Variants in SP140L observed in about 807,000 individuals in gnomAD.
The protein encoded by SP140L is SP140 like nuclear body protein, also known as nuclear body protein SP140-like protein.
SP140L carries 64 observed loss-of-function variants against 84.3 expected under a neutral mutation model. The ratio of observed to expected loss-of-function variants is 0.76; its 90% CI spans 0.62 to 0.94. The LOEUF is 0.94. Ranked by LOEUF, SP140L falls within the 40% of genes least tolerant of loss-of-function variation. The pLI, the probability that SP140L is intolerant of heterozygous loss-of-function variation, is 0.00. For missense variants in SP140L, 628 were observed against 692.5 expected, an observed-to-expected ratio of 0.91 and a Z score of 1.05; for synonymous variants, 242 against 236.9, an observed-to-expected ratio of 1.02 and a Z score of -0.20.
intron 14 of SP140L, among the ~76,000 whole-genome samples, 171 bp downstream of exon 14, chr2:230,396,969 A>G (rs2062079168): frequency 6.6e-6 from 1 of 152,130 alleles, no homozygotes; most frequent in African/African-American, 2.4e-5. Flanking sequence ...TGGGCCTTGG[A>G]TGTCTTGCAG....
intron 14 of SP140L, among the ~76,000 whole-genome samples, chr2:230,397,439 G>T (rs185516059): frequency 6.6e-6 from 1 of 152,230 alleles, no homozygotes; most frequent in East Asian, 1.9e-4. Flanking sequence ...AAATCCTGAG[G>T]CATTTTAACT....
rs1227394569 is a variant in SP140L at position 230,361,612 on chromosome 2, A to G, written c.440-2A>G. The G allele has an allele frequency of 1.9e-6, 3 of 1,556,646 alleles. No individual in the cohort carries two copies. In the South Asian group the frequency reaches 3.6e-5, roughly 18 times the overall value. On this transcript the variant is annotated splice_acceptor_variant, in intron 4 of 18. Transcript: ENST00000415673. LOFTEE classifies it high-confidence loss of function. ...TGCTTTCTTCTCTCTCCCACTCTTC[A>G]GCAATCCAAGACAAATTGTCTTTCC...
At chr2:230,379,216 T>G (rs2061334663) in intron 7 of SP140L, among the ~76,000 whole-genome samples, 1 of 152,194 alleles carries the variant, frequency 6.6e-6, no homozygotes, top group Non-Finnish European at 1.5e-5. Context: ...TGTTTTCATT[T>G]ATTATGATTC....
intron 2 of SP140L, among the ~76,000 whole-genome samples, chr2:230,347,865 G>A (rs768660338): frequency 5.3e-5 from 8 of 152,252 alleles, no homozygotes; most frequent in Non-Finnish European, 8.8e-5. Context: ...GTTGGGCAGA[G>A]CTGCTGGCTG....
At chr2:230,371,781 C>A in intron 7 of SP140L, 130 bp downstream of exon 7, 1 of 849,390 alleles carries the variant, frequency 1.2e-6, no homozygotes, top group South Asian at 1.5e-5. Context: ...TGATGGCCAC[C>A]CCAAAAAACG....
At chr2:230,337,733 A>C (rs1410390099) in intron 2 of SP140L, among the ~76,000 whole-genome samples, 1 of 151,868 alleles carries the variant, frequency 6.6e-6, no homozygotes, top group Non-Finnish European at 1.5e-5. Flanking sequence ...TTTTCCCAGC[A>C]CCATTTATTA....
chr2:230,387,617 C>G (rs1241299238), intron 9 of SP140L, among the ~76,000 whole-genome samples: 2 of 152,138 alleles, frequency 1.3e-5, no homozygotes, highest in Non-Finnish European at 2.9e-5. Flanking sequence ...TGACCAGCAT[C>G]CCTAGATGGT....
chr2:230,371,234 G>C (rs1444101649), intron 6 of SP140L, among the ~76,000 whole-genome samples: 2 of 152,146 alleles, frequency 1.3e-5, no homozygotes, highest in Admixed American at 1.3e-4. Flanking sequence ...AATATGTTAA[G>C]TCACACTCAA....
intron 14 of SP140L, among the ~76,000 whole-genome samples, chr2:230,399,512 T>A (rs1423627510): frequency 6.6e-6 from 1 of 152,306 alleles, no homozygotes; most frequent in East Asian, 1.9e-4. Flanking sequence ...ATGGGAGATC[T>A]TCTGCCAGGA....
At chr2:230,376,892 G>C (rs974808538) in intron 7 of SP140L, among the ~76,000 whole-genome samples, 27 of 152,154 alleles carry the variant, frequency 1.8e-4, no homozygotes, top group Non-Finnish European at 8.8e-5. Flanking sequence ...ATAGAATAGG[G>C]AACCCGGAAA....
intron 2 of SP140L, 80 bp from the exon 3 acceptor site, chr2:230,357,725 G>A (rs759827706): frequency 1.8e-5 from 25 of 1,407,928 alleles, no homozygotes; most frequent in South Asian, 1.5e-4. Flanking sequence ...TAGCTTATCC[G>A]TTATACATAA....
chr2:230,328,714 T>A (rs1420328384), intron 1 of SP140L, 43 bp from the exon 2 acceptor site: 2 of 1,598,974 alleles, frequency 1.3e-6, no homozygotes, highest in African/African-American at 2.7e-5. Context: ...CAAAGGGTGC[T>A]GTTATTTACT....
At chr2:230,374,492 T>C (rs2061182348) in intron 7 of SP140L, among the ~76,000 whole-genome samples, 1 of 152,154 alleles carries the variant, frequency 6.6e-6, no homozygotes, top group African/African-American at 2.4e-5. Flanking sequence ...ACAAAGGATT[T>C]AGAATATATT....
At chr2:230,353,362 C>T (rs1403779174) in intron 2 of SP140L, among the ~76,000 whole-genome samples, 6 of 151,708 alleles carry the variant, frequency 4.0e-5, no homozygotes, top group African/African-American at 1.4e-4. Flanking sequence ...AATGTGTTCT[C>T]TGTTTTTAAG....
chr2:230,400,753 C>T (rs1575562829), intron 15 of SP140L: 2 of 1,251,172 alleles, frequency 1.6e-6, no homozygotes, highest in Non-Finnish European at 2.2e-6. Flanking sequence ...CCTGAGGCTT[C>T]CCTCCTGCTG....
Position 230,338,955 on chromosome 2 carries a change from C to A in SP140L, c.107+10124C>A, listed in dbSNP as rs1206429216. 7.9e-5 allele frequency among the ~76,000 whole-genome samples: 11 copies of A among 138,706 alleles called. 1 individual carries two copies. Among genetic ancestry groups the A allele is most frequent in the African/African-American group, 3.1e-4 (11 of 35,530 alleles). 91.0% of individuals were successfully genotyped at this position (138,706 alleles called of 152,430 possible). ...TCATCAAGGATATTGGTCTAAAATT[C>A]TCTTTTTTTGTTGTGTCTCTGCCTG... On this transcript the variant is annotated intron_variant, in intron 2 of 18. Coordinates refer to ENST00000415673, the MANE Select transcript of SP140L (RefSeq NM_138402.6).
intron 15 of SP140L, chr2:230,400,627 C>G (rs6748339): frequency 1.9e-6 from 1 of 521,300 alleles, no homozygotes; most frequent in Non-Finnish European, 3.5e-6. Context: ...GGAGGCCTGA[C>G]GTCCCTGGAG....
At chr2:230,395,835 G>C (rs1359929698) in intron 13 of SP140L, among the ~76,000 whole-genome samples, 1 of 152,176 alleles carries the variant, frequency 6.6e-6, no homozygotes, top group Non-Finnish European at 1.5e-5. Flanking sequence ...TAAATCTAGT[G>C]GGTTACCTCT....
At position 230,349,411 on chromosome 2, in the gene SP140L, G is replaced by A. The variant is rs558737337; in HGVS notation, c.108-8394G>A. 6.8e-4 allele frequency among the ~76,000 whole-genome samples: 104 copies of A among 152,220 alleles called. 1 individual carries two copies. The South Asian group carries it at 0.021, about 31-fold the overall frequency. ...TCAATTTCTTCAGAAAAGCCATTTG[G>A]AATTTTGATAGGAATCACATTGAGT... On this transcript the variant is annotated intron_variant, in intron 2 of 18. Coordinates refer to ENST00000415673, the MANE Select transcript of SP140L (RefSeq NM_138402.6).
Sources: allele counts gnomAD v4.1 joint callset (sites outside exome capture counted in the v4.1 genomes callset), GRCh38; gene constraint gnomAD v4.1.1; transcripts MANE v1.5; gene names NCBI Gene and HGNC (gene_info 2026-07-23, HGNC 2026-07-21).